TADA3: variants seen among roughly 807,000 people sequenced by gnomAD.
TADA3 encodes transcriptional adapter 3.
In TADA3, 25 loss-of-function variants were observed where a neutral mutation model predicts 43.2. The ratio of observed to expected loss-of-function variants is 0.58; its 90% CI spans 0.42 to 0.81. The LOEUF (loss-of-function observed/expected upper bound fraction) is 0.81. Ranked by LOEUF, TADA3 falls within the 30% of genes least tolerant of loss-of-function variation. The pLI, the probability that TADA3 is intolerant of heterozygous loss-of-function variation, is 0.00. For synonymous variants in TADA3, 235 were observed against 225.5 expected, an observed-to-expected ratio of 1.04 and a Z score of -0.38; for missense variants, 441 against 567.8, an observed-to-expected ratio of 0.78 and a Z score of 2.27.
At chr3:9,792,030 G>A (rs1048198840) in intron 1 of TADA3, among the ~76,000 whole-genome samples, 186 bp downstream of exon 1, 2 of 152,150 alleles carry the variant, frequency 1.3e-5, no homozygotes, top group South Asian at 4.1e-4. Context: ...AACGTGGGCT[G>A]GTAAGCCAGA....
Position 9,784,224 on chromosome 3 carries a change from A to G in TADA3, c.921-11T>C. 2.5e-6 allele frequency: 4 copies of G among 1,597,102 alleles called. No individual in the cohort carries two copies. Among genetic ancestry groups the G allele is most frequent in the Non-Finnish European group, 2.6e-6 (3 of 1,166,332 alleles). ...TTAGTATGCGGCACACTGCAGCGGGAGGCAGGCCCGTCAGACTCAAGAGCC... is the reference window on the plus strand; with the variant it reads ...TTAGTATGCGGCACACTGCAGCGGGGGGCAGGCCCGTCAGACTCAAGAGCC... On this transcript the variant is annotated splice_polypyrimidine_tract_variant and intron_variant, in intron 7 of 8. Coordinates refer to ENST00000301964, the MANE Select transcript of TADA3 (RefSeq NM_006354.5).
At chr3:9,785,293 G>T (rs758265611) in intron 7 of TADA3, 23 bp downstream of exon 7, 1 of 1,579,828 alleles carries the variant, frequency 6.3e-7, no homozygotes, top group Non-Finnish European at 8.7e-7. Context: ...CAGACTGTGG[G>T]TTGTGGATAG....
upstream of TADA3, chr3:9,792,510 G>A (rs534064097): frequency 2.5e-6 from 3 of 1,219,316 alleles, no homozygotes; most frequent in South Asian, 1.3e-4. Flanking sequence ...ACGCGGGGGC[G>A]GGGAGTCAGC....
chr3:9,784,552 T>C (rs544744045), intron 7 of TADA3, among the ~76,000 whole-genome samples: 69 of 152,238 alleles, frequency 4.5e-4, no homozygotes, highest in South Asian at 2.5e-3. Context: ...TTTTTTCCCT[T>C]ATGTGCACAT....
chr3:9,783,117 GTTAA>G (rs1372055672), intron 8 of TADA3: 1 of 152,150 alleles, frequency 6.6e-6, no homozygotes, highest in African/African-American at 2.4e-5. Flanking sequence ...AATGTTAACA[GTTAA>G]TTAGTCTAGG....
At position 9,792,387 on chromosome 3, in the gene TADA3, T is replaced by C. The variant is rs2078759976; in HGVS notation, c.-199A>G. ...ACCCTAGTGCGACCCCCGCCCCCTC[T>C]ACCTCCTCGCTGCGGCCTCCTACGG... On this transcript the variant is annotated 5_prime_UTR_variant, in exon 1 of 9. Transcript: ENST00000301964. The C allele has an allele frequency of 9.9e-6, 7 of 709,914 alleles. No individual in the cohort carries two copies. In the South Asian group the frequency reaches 3.9e-4, roughly 40 times the overall value. 44.0% of individuals were successfully genotyped at this position (709,914 alleles called of 1,614,324 possible). A position where few individuals can be genotyped will look rare whatever the true frequency, so the allele number is the denominator to read the frequency against.
Position 9,789,952 on chromosome 3 carries a change from G to C in TADA3, c.219C>G (p.Asp73Glu). ...GTCTGTCACCTTTCTTATCCTGCCA[G>C]TCGGTGAGGATCTGAAATTTACAGA... ...VLEAETQILT[D>E]WQDKKGDRRF... The change falls in exon 3 of 9, where the codon GAC (aspartate) becomes GAG (glutamate). Residue 73 changes from aspartate to glutamate, a missense_variant. By Grantham distance (45) the Asp-to-Glu change is conservative. Transcript: ENST00000301964. 1 of 1,596,096 alleles carries C rather than the reference G, an allele frequency of 6.3e-7. No homozygotes were observed. The highest frequency in any genetic ancestry group is 1.4e-5 in the African/African-American group (1 of 73,814).
At chr3:9,783,288 T>C (rs2078523224) in intron 8 of TADA3, 1 of 151,520 alleles carries the variant, frequency 6.6e-6, no homozygotes, top group Admixed American at 6.6e-5. Context: ...TACTAAACTG[T>C]ACACTTAAAA....
In TADA3 at chr3:9,792,468, G is replaced by A. The variant is rs2078762714; in HGVS notation, c.-280C>T. 3.0e-5 allele frequency: 36 copies of A among 1,186,062 alleles called. No homozygotes were observed. The highest frequency in any genetic ancestry group is 3.8e-5 in the Non-Finnish European group (36 of 958,910). 73.5% of individuals were successfully genotyped at this position (1,186,062 alleles called of 1,614,324 possible). On this transcript the variant is annotated 5_prime_UTR_variant, in exon 1 of 9. Coordinates refer to ENST00000301964, the MANE Select transcript of TADA3 (RefSeq NM_006354.5). ...TCCGGTCGATGTGAGCAACCGCCCC[G>A]GAACTGGCTATGGGCGGGCCCCTTG...
At chr3:9,788,190 T>A (rs1403481010) in intron 4 of TADA3, 1 of 155,376 alleles carries the variant, frequency 6.4e-6, no homozygotes, top group Non-Finnish European at 1.4e-5. Context: ...CTGTATTTTC[T>A]AAATTTTCTT....
intron 5 of TADA3, 40 bp from the exon 6 acceptor site, chr3:9,787,149 T>C (rs1402028990): frequency 6.2e-7 from 1 of 1,613,962 alleles, no homozygotes; most frequent in Non-Finnish European, 8.5e-7. Flanking sequence ...GGGCTGAAGT[T>C]CTGGAATTCA....
Position 9,787,198 on chromosome 3 carries a change from C to T in TADA3, c.706+1G>A. On this transcript the variant is annotated splice_donor_variant, in intron 5 of 8. Transcript: ENST00000301964. LOFTEE classifies it high-confidence loss of function. ...GGTTGGCAGGGAGGTGAGAGGCCTACCTTTAGTGTCCAGTTCGGTCAGTGG... is the reference window on the plus strand; with the variant it reads ...GGTTGGCAGGGAGGTGAGAGGCCTATCTTTAGTGTCCAGTTCGGTCAGTGG... 1 of 1,614,196 alleles carries T rather than the reference C, an allele frequency of 6.2e-7. No homozygotes were observed. The highest frequency in any genetic ancestry group is 8.5e-7 in the Non-Finnish European group (1 of 1,180,044).
intron 7 of TADA3, among the ~76,000 whole-genome samples, chr3:9,784,553 A>T (rs115077023): frequency 0.017 from 2,515 of 152,032 alleles, 72 homozygotes; most frequent in African/African-American, 0.058. Context: ...TTTTTCCCTT[A>T]TGTGCACATA....
At chr3:9,785,928 CCTTG>C in intron 6 of TADA3, among the ~76,000 whole-genome samples, 1 of 150,260 alleles carries the variant, frequency 6.7e-6, no homozygotes, top group African/African-American at 2.5e-5. Context: ...ACACACTCCT[CCTTG>C]TTTTGTTTTG....
chr3:9,791,239 G>C (rs1559721840), intron 2 of TADA3, 21 bp downstream of exon 2: 1 of 1,601,720 alleles, frequency 6.2e-7, no homozygotes, highest in Non-Finnish European at 8.5e-7. Flanking sequence ...TCTGGTGCTG[G>C]CCCCTCTCTG....
At chr3:9,784,595 T>G (rs1414763209) in intron 7 of TADA3, among the ~76,000 whole-genome samples, 1 of 152,136 alleles carries the variant, frequency 6.6e-6, no homozygotes, top group East Asian at 1.9e-4. Context: ...CCAGGCATGG[T>G]GGCTCACACC....
At chr3:9,781,826 A>G (rs1400653819) in intron 8 of TADA3, among the ~76,000 whole-genome samples, 3 of 136,334 alleles carry the variant, frequency 2.2e-5, no homozygotes, top group African/African-American at 8.4e-5. Flanking sequence ...TTCATTGCCC[A>G]TTACTTCTTT....
At chr3:9,787,409 A>C in intron 4 of TADA3, 69 bp from the exon 5 acceptor site, 1 of 1,532,866 alleles carries the variant, frequency 6.5e-7, no homozygotes, top group Non-Finnish European at 8.7e-7. Context: ...TCATTCATTC[A>C]CTTACCTATC....
rs1372596554 is a variant in TADA3, at chr3:9,784,294, G to C, written c.921-81C>G. On this transcript the variant is annotated intron_variant, in intron 7 of 8. Coordinates refer to ENST00000301964, the MANE Select transcript of TADA3 (RefSeq NM_006354.5). ...CTTGGAGGTTCCCAGGGCTTCCCAA[G>C]GTCAGTGAAAACCTGCCTTTCCCTT... 7.3e-6 allele frequency: 11 copies of C among 1,505,602 alleles called. No homozygotes were observed. In the East Asian group the frequency reaches 2.1e-4, roughly 29 times the overall value. 93.3% of individuals were successfully genotyped at this position (1,505,602 alleles called of 1,614,324 possible). A position where few individuals can be genotyped will look rare whatever the true frequency, so the allele number is the denominator to read the frequency against.
Sources: allele counts gnomAD v4.1 joint callset (sites outside exome capture counted in the v4.1 genomes callset), GRCh38; gene constraint gnomAD v4.1.1; transcripts MANE v1.5; gene names NCBI Gene and HGNC (gene_info 2026-07-23, HGNC 2026-07-21).